The following CDKAL1 variants were observed in gnomAD, a reference collection of about 807,000 sequenced individuals.
CDKAL1 encodes the protein CDKAL1 threonylcarbamoyladenosine tRNA methylthiotransferase, also known as threonylcarbamoyladenosine tRNA methylthiotransferase.
CDKAL1 carries 32 observed loss-of-function variants against 68.2 expected under a neutral mutation model. The ratio of observed to expected loss-of-function variants is 0.47; its 90% CI spans 0.35 to 0.63. The LOEUF is 0.63. Among genes scored for constraint, CDKAL1 ranks in the 30% least tolerant of loss-of-function variants. CDKAL1 has a pLI of 0.00. For missense variants in CDKAL1, 606 were observed against 696.7 expected, an observed-to-expected ratio of 0.87 and a Z score of 1.47; for synonymous variants, 234 against 244.3, an observed-to-expected ratio of 0.96 and a Z score of 0.39.
rs572845141 is a variant in CDKAL1, at chr6:20,673,916, T to C, written c.371+24539T>C. 4.6e-5 allele frequency among the ~76,000 whole-genome samples: 7 copies of C among 152,374 alleles called. No individual in the cohort carries two copies. In the South Asian group the frequency reaches 1.4e-3, roughly 32 times the overall value. Reference sequence around the variant, plus strand: ...TATCAGCAGTGTGAAAACAGACTAATACACGATGGATACAGATACCTTGTT... The same window carrying C: ...TATCAGCAGTGTGAAAACAGACTAACACACGATGGATACAGATACCTTGTT... On this transcript the variant is annotated intron_variant, in intron 5 of 15. Coordinates refer to ENST00000274695, the MANE Select transcript of CDKAL1 (RefSeq NM_017774.3).
intron 9 of CDKAL1, among the ~76,000 whole-genome samples, chr6:20,858,901 GA>G (rs1373568283): frequency 3.9e-5 from 6 of 152,002 alleles, no homozygotes; most frequent in African/African-American, 1.4e-4. Context: ...TTTTCTTGGG[GA>G]CAAAGAGTAT....
Position 21,140,560 on chromosome 6 carries a change from G to A in CDKAL1, c.1299+32097G>A, listed in dbSNP as rs574438423. The stretch of plus-strand genomic sequence containing the variant: ...CTACCCAAGGTTCTCAGTCAGGGTC[G>A]GTGTCACTCTATCAAGGGGCTATAT... On this transcript the variant is annotated intron_variant, in intron 13 of 15. Transcript: ENST00000274695. 3.0e-4 allele frequency among the ~76,000 whole-genome samples: 45 copies of A among 152,206 alleles called. 2 individuals are homozygous for A. Among genetic ancestry groups the A allele is most frequent in the East Asian group, 1.9e-4 (1 of 5,176 alleles).
chr6:21,064,625 C>T (rs1340920173), intron 11 of CDKAL1, among the ~76,000 whole-genome samples: 1 of 152,114 alleles, frequency 6.6e-6, no homozygotes. Flanking sequence ...TGAAAGTTAT[C>T]TTTGCAATTG....
intron 5 of CDKAL1, among the ~76,000 whole-genome samples, chr6:20,679,741 C>G (rs1472696491): frequency 6.6e-6 from 1 of 152,192 alleles, no homozygotes; most frequent in Non-Finnish European, 1.5e-5. Flanking sequence ...TTAGACAACT[C>G]TGATGCCAGT....
Position 20,778,253 on chromosome 6 carries a change from G to T in CDKAL1, c.518-2892G>T, listed in dbSNP as rs529543134. Among the ~76,000 whole-genome samples the T allele has an allele frequency of 9.9e-5, 15 of 152,210 alleles. 1 individual carries two copies. The highest frequency in any genetic ancestry group is 3.4e-3 in the Middle Eastern group (1 of 294). On this transcript the variant is annotated intron_variant, in intron 7 of 15. Transcript: ENST00000274695. Reference sequence around the variant, plus strand: ...TTCTTAGATGTGACACCAAAAGCATGAGCCATAAAAGAAAAAACTGGATAA... The same window carrying T: ...TTCTTAGATGTGACACCAAAAGCATTAGCCATAAAAGAAAAAACTGGATAA...
chr6:20,889,797 C>T (rs543820530), intron 9 of CDKAL1, among the ~76,000 whole-genome samples: 4 of 152,270 alleles, frequency 2.6e-5, no homozygotes, highest in South Asian at 2.1e-4. Context: ...TAGTGTGATG[C>T]CTCCAGCTTT....
chr6:21,206,719 T>C (rs1157961370), intron 15 of CDKAL1, among the ~76,000 whole-genome samples: 4 of 152,202 alleles, frequency 2.6e-5, no homozygotes, highest in Non-Finnish European at 2.9e-5. Context: ...TGACAGTTGC[T>C]ATGATCAAGT....
At chr6:21,041,496 A>C (rs1186380771) in intron 11 of CDKAL1, among the ~76,000 whole-genome samples, 2 of 152,126 alleles carry the variant, frequency 1.3e-5, no homozygotes. Context: ...CTCAGGCTTA[A>C]ATCATGTAAT....
chr6:21,042,820 A>T (rs143986921), intron 11 of CDKAL1, among the ~76,000 whole-genome samples: 2 of 152,076 alleles, frequency 1.3e-5, no homozygotes, highest in African/African-American at 4.8e-5. Context: ...GCTGGTCCTA[A>T]CCTCCTTGTT....
chr6:20,872,124 T>C (rs1470162845), intron 9 of CDKAL1, among the ~76,000 whole-genome samples: 2 of 152,146 alleles, frequency 1.3e-5, no homozygotes, highest in African/African-American at 4.8e-5. Context: ...AAAAATATCA[T>C]GTTTAAAAAC....
chr6:21,089,647 G>A (rs987014363), intron 12 of CDKAL1, among the ~76,000 whole-genome samples: 1 of 152,194 alleles, frequency 6.6e-6, no homozygotes, highest in African/African-American at 2.4e-5. Context: ...GAGGAGTTGA[G>A]GCTGAGGAAA....
intron 10 of CDKAL1, among the ~76,000 whole-genome samples, chr6:20,995,597 G>A (rs764575264): frequency 5.3e-5 from 8 of 152,082 alleles, no homozygotes; most frequent in Admixed American, 1.3e-4. Context: ...AGTAGGTCTC[G>A]ATAGTGGGTT....
At chr6:20,958,772 G>T (rs1581914517) in intron 10 of CDKAL1, among the ~76,000 whole-genome samples, 1 of 152,256 alleles carries the variant, frequency 6.6e-6, no homozygotes. Flanking sequence ...GTTTTTAGAA[G>T]ATGCTTCACA....
chr6:20,952,262 T>A (rs1581901908), intron 9 of CDKAL1, among the ~76,000 whole-genome samples: 1 of 152,106 alleles, frequency 6.6e-6, no homozygotes, highest in Non-Finnish European at 1.5e-5. Context: ...CCGCCCCCTC[T>A]TTTTCATTTT....
At chr6:20,566,369 A>G (rs1168256113) in intron 4 of CDKAL1, among the ~76,000 whole-genome samples, 1 of 152,122 alleles carries the variant, frequency 6.6e-6, no homozygotes, top group East Asian at 1.9e-4. Context: ...GTGTTGGTTG[A>G]ATATGCTTGT....
intron 5 of CDKAL1, 33 bp downstream of exon 5, chr6:20,649,410 T>C (rs1768642072): frequency 8.3e-7 from 1 of 1,201,208 alleles, no homozygotes; most frequent in Non-Finnish European, 1.2e-6. Context: ...CTATTTTGTA[T>C]AATCAAAGTA....
intron 4 of CDKAL1, among the ~76,000 whole-genome samples, chr6:20,637,146 C>A (rs959941881): frequency 1.3e-5 from 2 of 152,056 alleles, no homozygotes; most frequent in African/African-American, 4.8e-5. Context: ...GTTTTAGGGA[C>A]ACGGTGGGTA....
chr6:20,740,191 A>C (rs976545393), intron 6 of CDKAL1, among the ~76,000 whole-genome samples: 1 of 152,158 alleles, frequency 6.6e-6, no homozygotes, highest in African/African-American at 2.4e-5. Flanking sequence ...ATAGTTTTTC[A>C]ATCTTTTTTT....
chr6:21,231,187 C>A lies in CDKAL1; in HGVS notation c.*148C>A. On this transcript the variant is annotated 3_prime_UTR_variant, in exon 16 of 16. Transcript: ENST00000274695. ...CTCAGCCACTCTTCTTAATGAGGCT[C>A]CCCCTGTCTCACATTGAGTTGGGCC... 1.8e-6 allele frequency: 1 copy of A among 541,050 alleles called. No individual in the cohort carries two copies. The highest frequency in any genetic ancestry group is 4.1e-5 in the South Asian group (1 of 24,366). 33.5% of individuals were successfully genotyped at this position (541,050 alleles called of 1,614,324 possible). A position where few individuals can be genotyped will look rare whatever the true frequency, so the allele number is the denominator to read the frequency against.
Sources: allele counts gnomAD v4.1 joint callset (sites outside exome capture counted in the v4.1 genomes callset), GRCh38; gene constraint gnomAD v4.1.1; transcripts MANE v1.5; gene names NCBI Gene and HGNC (gene_info 2026-07-23, HGNC 2026-07-21).